Variants in WWC1 observed in about 807,000 individuals in gnomAD.
WWC1 encodes WW and C2 domain containing 1.
Under a neutral mutation model 138.4 loss-of-function variants are expected in WWC1, and 55 were observed. That is an observed-to-expected ratio of 0.40 (90% CI 0.32 to 0.50). The LOEUF (loss-of-function observed/expected upper bound fraction) is 0.50. WWC1 is among the 20% of genes least tolerant of loss of function. WWC1 has a pLI of 0.72. For missense variants in WWC1, 1,226 were observed against 1,420.4 expected, an observed-to-expected ratio of 0.86 and a Z score of 2.20; for synonymous variants, 524 against 564.9, an observed-to-expected ratio of 0.93 and a Z score of 1.03.
At chr5:168,406,168 G>A (rs1486182938) in intron 5 of WWC1, 30 bp from the exon 6 acceptor site, 3 of 1,611,900 alleles carry the variant, frequency 1.9e-6, no homozygotes, top group Non-Finnish European at 2.5e-6. Context: ...CCCTATCTAA[G>A]GCTGACCTTT....
In WWC1 at chr5:168,444,500, G is replaced by A. The variant is rs1393455361; in HGVS notation, c.2440G>A (p.Val814Met). The A allele has an allele frequency of 1.9e-6, 3 of 1,578,466 alleles. No individual in the cohort carries two copies. Among genetic ancestry groups the A allele is most frequent in the Non-Finnish European group, 2.6e-6 (3 of 1,160,662 alleles). Residue 814 changes from valine (V) to methionine (M), a missense_variant, in exon 17 of 23, where the codon GTG (valine) becomes ATG (methionine). Physicochemically the swap from Val to Met is conservative, Grantham distance 21 (BLOSUM62 1). Around this residue, in one of 3 missense-constraint regions of WWC1, gnomAD observed 1,016 missense variants for 1,153.9 expected, o/e 0.88. Coordinates refer to ENST00000265293, the MANE Select transcript of WWC1 (RefSeq NM_015238.3). ...GCAACCTTTGTCTCTATAGGACGCTGTGTCTGCTCTGTTGGAACAGACAGC... is the reference window on the plus strand; with the variant it reads ...GCAACCTTTGTCTCTATAGGACGCTATGTCTGCTCTGTTGGAACAGACAGC... Reference protein sequence around the residue: ...PASGPASTDAVSALLEQTAVE... With the variant: ...PASGPASTDAMSALLEQTAVE...
intron 1 of WWC1, among the ~76,000 whole-genome samples, chr5:168,350,447 C>T (rs1216529002): frequency 1.3e-5 from 2 of 152,322 alleles, no homozygotes; most frequent in Middle Eastern, 3.4e-3. Flanking sequence ...AGAAATCCAA[C>T]AACTGTTCTC....
intron 3 of WWC1, 106 bp downstream of exon 3, chr5:168,385,520 ACT>A: frequency 8.6e-7 from 1 of 1,166,092 alleles, no homozygotes; most frequent in Non-Finnish European, 1.2e-6. Flanking sequence ...CTTCACCTCT[ACT>A]CTTTGTCCAA....
intron 4 of WWC1, among the ~76,000 whole-genome samples, chr5:168,398,652 AT>A (rs34418355): frequency 0.21 from 31,420 of 152,188 alleles, 3,486 homozygotes; most frequent in South Asian, 0.42. Flanking sequence ...CAAAGTCAGT[AT>A]TTTGAATAGT....
chr5:168,377,231 A>C (rs966138651), intron 2 of WWC1, among the ~76,000 whole-genome samples: 1 of 152,246 alleles, frequency 6.6e-6, no homozygotes, highest in African/African-American at 2.4e-5. Context: ...AGCCATATGC[A>C]AAAGAATAAA....
intron 1 of WWC1, among the ~76,000 whole-genome samples, chr5:168,357,969 G>A (rs929961528): frequency 2.0e-5 from 3 of 152,210 alleles, no homozygotes; most frequent in African/African-American, 4.8e-5. Context: ...CAGACAAGGC[G>A]AGCTTCTGGC....
At chr5:168,391,540 T>A (rs1411303972) in intron 3 of WWC1, among the ~76,000 whole-genome samples, 1 of 150,902 alleles carries the variant, frequency 6.6e-6, no homozygotes, top group Non-Finnish European at 1.5e-5. Flanking sequence ...GTGCCTGTAG[T>A]CCCAGCTACT....
At chr5:168,378,214 G>A (rs1582090624) in intron 2 of WWC1, among the ~76,000 whole-genome samples, 2 of 152,076 alleles carry the variant, frequency 1.3e-5, no homozygotes, top group East Asian at 3.8e-4. Context: ...TTATTTTTTT[G>A]AGAGTGGGAG....
At position 168,371,411 on chromosome 5, in the gene WWC1, TCTC is replaced by T; in HGVS notation, c.120-11_120-9del. ...GTAGGCTGATGGAGTCTGTTTCTCCTCTCCCTTGCCAGGTACACCAAACCGCTC... is the reference window on the plus strand; with the variant it reads ...GTAGGCTGATGGAGTCTGTTTCTCCTCCTTGCCAGGTACACCAAACCGCTC... On this transcript the variant is annotated splice_polypyrimidine_tract_variant and intron_variant, in intron 1 of 22. Transcript: ENST00000265293. 1 of 1,608,108 alleles carries T rather than the reference TCTC, an allele frequency of 6.2e-7. No individual in the cohort carries two copies. The highest frequency in any genetic ancestry group is 8.5e-7 in the Non-Finnish European group (1 of 1,174,812).
intron 1 of WWC1, among the ~76,000 whole-genome samples, chr5:168,348,261 C>T (rs577233027): frequency 1.8e-4 from 27 of 152,158 alleles, no homozygotes; most frequent in Admixed American, 9.8e-4. Context: ...TGTGTGTGCA[C>T]GGGTGTGTGC....
intron 1 of WWC1, among the ~76,000 whole-genome samples, chr5:168,313,207 C>T (rs1197590551): frequency 6.6e-6 from 1 of 152,172 alleles, no homozygotes; most frequent in Non-Finnish European, 1.5e-5. Context: ...CTGTGGCAAA[C>T]TCCTGTTTGT....
intron 12 of WWC1, 51 bp from the exon 13 acceptor site, chr5:168,428,656 A>G (rs1446860358): frequency 1.3e-6 from 2 of 1,573,734 alleles, no homozygotes; most frequent in Admixed American, 3.3e-5. Flanking sequence ...CTCCCAGAAT[A>G]GTTTGTTCAC....
chr5:168,340,839 T>C (rs1773981220), intron 1 of WWC1, among the ~76,000 whole-genome samples: 1 of 152,238 alleles, frequency 6.6e-6, no homozygotes, highest in Admixed American at 6.5e-5. Flanking sequence ...TTTCTTTCTT[T>C]TGGATATCTG....
In WWC1 at chr5:168,469,240, C is replaced by A; in HGVS notation, c.*223C>A. ...ACACAAAAACAGAAACAAAAAAAACCAGCATTAAAATAATAAGATTGTATA... is the reference window on the plus strand; with the variant it reads ...ACACAAAAACAGAAACAAAAAAAACAAGCATTAAAATAATAAGATTGTATA... On this transcript the variant is annotated 3_prime_UTR_variant, in exon 23 of 23. Transcript: ENST00000265293. 1.8e-6 allele frequency: 1 copy of A among 554,536 alleles called. No individual in the cohort carries two copies. Among genetic ancestry groups the A allele is most frequent in the Non-Finnish European group, 3.2e-6 (1 of 310,420 alleles). 34.4% of individuals were successfully genotyped at this position (554,536 alleles called of 1,614,324 possible).
chr5:168,355,542 C>T (rs573509960), intron 1 of WWC1, among the ~76,000 whole-genome samples: 1 of 150,454 alleles, frequency 6.6e-6, no homozygotes, highest in South Asian at 2.1e-4. Flanking sequence ...TGAGAGCCAG[C>T]CATGCAAAAA....
chr5:168,367,417 C>T (rs966911914), intron 1 of WWC1, among the ~76,000 whole-genome samples: 1 of 151,806 alleles, frequency 6.6e-6, no homozygotes, highest in East Asian at 1.9e-4. Context: ...CTGCAAGCTC[C>T]GCCTCCCGGG....
chr5:168,321,837 G>A (rs17070070), intron 1 of WWC1, among the ~76,000 whole-genome samples: 589 of 152,204 alleles, frequency 3.9e-3, no homozygotes, highest in African/African-American at 0.013. Flanking sequence ...GTGCCCAGCC[G>A]GTGATATCCT....
chr5:168,400,676 C>T (rs769218648), intron 5 of WWC1, among the ~76,000 whole-genome samples: 16 of 152,144 alleles, frequency 1.1e-4, no homozygotes, highest in Non-Finnish European at 1.9e-4. Context: ...TGGCTGGGCA[C>T]AGTGGCTCAG....
intron 15 of WWC1, among the ~76,000 whole-genome samples, chr5:168,441,402 G>A (rs903483377): frequency 6.6e-6 from 1 of 151,812 alleles, no homozygotes; most frequent in Non-Finnish European, 1.5e-5. Flanking sequence ...CGGCAAAGAT[G>A]GTAAACTAAA....
Sources: allele counts gnomAD v4.1 joint callset (sites outside exome capture counted in the v4.1 genomes callset), GRCh38; gene constraint gnomAD v4.1.1; regional missense constraint gnomAD v4.1.1; transcripts MANE v1.5; gene names NCBI Gene and HGNC (gene_info 2026-07-23, HGNC 2026-07-21).